The following INTU variants were observed in gnomAD, a reference collection of about 807,000 sequenced individuals.
INTU encodes the protein inturned planar cell polarity protein.
A neutral mutation model predicts 100.5 loss-of-function variants in INTU; 68 were observed. The observed-to-expected ratio is 0.68, with a 90% confidence interval of 0.56 to 0.83. The LOEUF is 0.83. Among genes scored for constraint, INTU ranks in the 40% least tolerant of loss-of-function variants. INTU has a pLI of 0.00. For missense variants in INTU, 1,071 were observed against 1,114.7 expected (o/e 0.96, Z 0.56); for synonymous variants, 357 against 395.7 (o/e 0.90, Z 1.16).
In INTU at chr4:127,704,246, A is replaced by G. The variant is rs754110797; in HGVS notation, c.1522A>G (p.Met508Val). 1.7e-5 allele frequency: 27 copies of G among 1,610,372 alleles called. No homozygotes were observed. The highest frequency in any genetic ancestry group is 1.7e-4 in the South Asian group (15 of 89,912). Residue 508 changes from methionine (M) to valine (V), a missense_variant, in exon 10 of 16, where the codon ATG becomes GTG. Coordinates refer to ENST00000335251, the MANE Select transcript of INTU (RefSeq NM_015693.4). ...FAELSEDYYDMRRLYTILGSS... is the reference protein window; with the variant it reads ...FAELSEDYYDVRRLYTILGSS... ...CCCCCAGTCCGAGGATTACTATGAC[A>G]TGAGGCGGCTGTATACAATTTTGGG...
chr4:127,679,151 A>C (rs953418073), intron 6 of INTU, among the ~76,000 whole-genome samples: 5 of 152,044 alleles, frequency 3.3e-5, no homozygotes, highest in Middle Eastern at 3.4e-3. Flanking sequence ...CACAATAATA[A>C]TGGGAGACTT....
At chr4:127,667,386 G>A (rs1263001918) in intron 4 of INTU, among the ~76,000 whole-genome samples, 1 of 152,124 alleles carries the variant, frequency 6.6e-6, no homozygotes, top group African/African-American at 2.4e-5. Flanking sequence ...AGCTTGCCAG[G>A]TCTTTAATAG....
chr4:127,697,845 G>A (rs1005309478), intron 8 of INTU, among the ~76,000 whole-genome samples: 3 of 152,168 alleles, frequency 2.0e-5, no homozygotes, highest in Non-Finnish European at 2.9e-5. Flanking sequence ...TAAAGGCCAG[G>A]CATGGTGGCT....
chr4:127,667,083 C>G (rs1728730275), intron 4 of INTU, among the ~76,000 whole-genome samples: 1 of 152,082 alleles, frequency 6.6e-6, no homozygotes, highest in South Asian at 2.1e-4. Flanking sequence ...AATATTTAAG[C>G]ATTTGTTATA....
Position 127,632,971 on chromosome 4 carries a change from G to A in INTU, c.-64G>A, listed in dbSNP as rs1413881042. On this transcript the variant is annotated 5_prime_UTR_variant, in exon 1 of 16. Coordinates refer to ENST00000335251, the MANE Select transcript of INTU (RefSeq NM_015693.4). ...CCTTCCCAAGCAGAGGCAACATGGCGGCCTTAGCAAGCTATAGCTGCGAGA... is the reference window on the plus strand; with the variant it reads ...CCTTCCCAAGCAGAGGCAACATGGCAGCCTTAGCAAGCTATAGCTGCGAGA... 1 of 1,524,474 alleles carries A rather than the reference G, an allele frequency of 6.6e-7. No individual in the cohort carries two copies. 94.4% of individuals were successfully genotyped at this position (1,524,474 alleles called of 1,614,324 possible).
chr4:127,662,074 T>C (rs1421279856), intron 3 of INTU, among the ~76,000 whole-genome samples: 1 of 152,170 alleles, frequency 6.6e-6, no homozygotes, highest in Non-Finnish European at 1.5e-5. Context: ...TGTTGACCAT[T>C]TGTATATCTT....
chr4:127,678,258 A>G (rs1487690192), intron 6 of INTU, among the ~76,000 whole-genome samples: 1 of 151,928 alleles, frequency 6.6e-6, no homozygotes, highest in Non-Finnish European at 1.5e-5. Flanking sequence ...GAACGCCACA[A>G]AGATACTCCT....
chr4:127,707,020 G>A, intron 12 of INTU, 51 bp downstream of exon 12: 1 of 1,537,612 alleles, frequency 6.5e-7, no homozygotes, highest in Non-Finnish European at 8.7e-7. Context: ...TGTCTCTCCA[G>A]TCCTTGTTTT....
In INTU at chr4:127,641,025, CT is replaced by C. The variant is rs1246709546; in HGVS notation, c.147-2495del. 5.3e-5 allele frequency among the ~76,000 whole-genome samples: 8 copies of C among 152,132 alleles called. No individual in the cohort carries two copies. In the East Asian group the frequency reaches 7.8e-4, roughly 15 times the overall value. On this transcript the variant is annotated intron_variant, in intron 1 of 15. Coordinates refer to ENST00000335251, the MANE Select transcript of INTU (RefSeq NM_015693.4). ...TCAACATGAATCCCTCTCTCTCTCT[CT>C]CTCCCCACCTAATCAGTCTCAAAGT... is the stretch of plus-strand genomic sequence containing the variant.
At chr4:127,640,842 T>C (rs1318806436) in intron 1 of INTU, among the ~76,000 whole-genome samples, 1 of 151,986 alleles carries the variant, frequency 6.6e-6, no homozygotes, top group Non-Finnish European at 1.5e-5. Context: ...TATATGTGTT[T>C]TTATATGATT....
At position 127,650,541 on chromosome 4, in the gene INTU, C is replaced by G. The variant is rs535929635; in HGVS notation, c.683-6095C>G. On this transcript the variant is annotated intron_variant, in intron 2 of 15. Transcript: ENST00000335251. The stretch of plus-strand genomic sequence containing the variant: ...CAATTTCACCCATGTCCCTACAAAG[C>G]ACATGAACTCATCATTTTTTATGGC... 9.9e-5 allele frequency among the ~76,000 whole-genome samples: 15 copies of G among 151,916 alleles called. No homozygotes were observed. The East Asian group carries it at 2.3e-3, about 23-fold the overall frequency.
chr4:127,657,279 A>ATTTC (rs1728274827), intron 3 of INTU, among the ~76,000 whole-genome samples: 1 of 152,180 alleles, frequency 6.6e-6, no homozygotes, highest in Non-Finnish European at 1.5e-5. Context: ...TACCCTAAAC[A>ATTTC]TTGACATTGT....
intron 3 of INTU, among the ~76,000 whole-genome samples, chr4:127,657,731 C>G (rs949180914): frequency 6.6e-6 from 1 of 151,504 alleles, no homozygotes; most frequent in African/African-American, 2.4e-5. Flanking sequence ...TGATTTGTCA[C>G]TGTCTCCCAT....
Position 127,706,900 on chromosome 4 carries a change from G to A in INTU, c.2202G>A (p.Pro734=), listed in dbSNP as rs138895515. ...EDDGFSPHTT[P]DAVRKQRESQ... ...ATGGCTTTAGCCCCCATACTACACC[G>A]GATGCAGTACGGAAGCAAAGAGAAT... The change falls in exon 12 of 16, where the codon CCG becomes CCA. Residue 734 remains proline, a synonymous_variant. Coordinates refer to ENST00000335251, the MANE Select transcript of INTU (RefSeq NM_015693.4). 181 of 1,613,872 alleles carry A rather than the reference G, an allele frequency of 1.1e-4. No homozygotes were observed. The highest frequency in any genetic ancestry group is 6.8e-4 in the African/African-American group (51 of 75,020).
intron 4 of INTU, among the ~76,000 whole-genome samples, chr4:127,665,242 A>G (rs544927903): frequency 6.7e-6 from 1 of 148,980 alleles, no homozygotes; most frequent in East Asian, 1.9e-4. Flanking sequence ...ACAATATATA[A>G]ATGATATAAA....
At chr4:127,675,170 G>A (rs971909161) in intron 6 of INTU, among the ~76,000 whole-genome samples, 8 of 152,178 alleles carry the variant, frequency 5.3e-5, no homozygotes, top group Non-Finnish European at 1.2e-4. Flanking sequence ...CTTTTATTAA[G>A]TAATTAAACA....
intron 2 of INTU, among the ~76,000 whole-genome samples, chr4:127,652,931 C>A (rs1727967614): frequency 6.9e-6 from 1 of 145,246 alleles, no homozygotes; most frequent in South Asian, 2.2e-4. Context: ...GATTCAACTT[C>A]TTCCTGGTTT....
chr4:127,697,349 T>TCCCCAG (rs1730439095), intron 8 of INTU, among the ~76,000 whole-genome samples: 1 of 152,154 alleles, frequency 6.6e-6, no homozygotes, highest in Admixed American at 6.6e-5. Context: ...GGCAATCATT[T>TCCCCAG]GCATAGTTTT....
intron 1 of INTU, among the ~76,000 whole-genome samples, chr4:127,634,280 G>A (rs2126167861): frequency 6.6e-6 from 1 of 152,290 alleles, no homozygotes; most frequent in Non-Finnish European, 1.5e-5. Context: ...AAGGCTGCTG[G>A]AAGGAAATAT....
Sources: allele counts gnomAD v4.1 joint callset (sites outside exome capture counted in the v4.1 genomes callset), GRCh38; gene constraint gnomAD v4.1.1; transcripts MANE v1.5; gene names NCBI Gene and HGNC (gene_info 2026-07-23, HGNC 2026-07-21).